Variants in LARP4B observed in about 807,000 individuals in gnomAD.
The protein encoded by LARP4B is la-related protein 4B.
In LARP4B, 12 loss-of-function variants were observed where a neutral mutation model predicts 89.8. The observed-to-expected ratio is 0.13, with a 90% CI of 0.09 to 0.22. The LOEUF (loss-of-function observed/expected upper bound fraction) is 0.22, where lower values mean the gene tolerates loss of function less well. Ranked by LOEUF, LARP4B falls within the 10% of genes least tolerant of loss-of-function variation. The probability of loss-of-function intolerance (pLI) is 1.00; values close to 1 mark genes in which losing one functional copy is unlikely to be tolerated. For missense variants in LARP4B, 757 were observed against 947.7 expected (o/e 0.80, Z 2.64); for synonymous variants, 367 against 363.3 (o/e 1.01, Z -0.12).
chr10:988,190 G>C, the LARP4B span: 1 of 393,750 alleles, frequency 2.5e-6, no homozygotes, highest in Non-Finnish European at 4.7e-6. Flanking sequence ...GCAGTCTGTC[G>C]GAAACCCCCG....
intron 8 of LARP4B, 77 bp from the exon 9 acceptor site, chr10:831,054 A>G (rs1832877525): frequency 1.6e-6 from 1 of 620,730 alleles, no homozygotes; most frequent in Non-Finnish European, 2.9e-6. Flanking sequence ...TTTTTAACAA[A>G]TGCATTCTCT....
chr10:837,195 C>A (rs1415311597), intron 7 of LARP4B, among the ~76,000 whole-genome samples: 1 of 152,176 alleles, frequency 6.6e-6, no homozygotes, highest in African/African-American at 2.4e-5. Flanking sequence ...AAGACATAAA[C>A]CACCAAAGCT....
chr10:891,283 A>C (rs1327775878), intron 1 of LARP4B, among the ~76,000 whole-genome samples: 1 of 152,208 alleles, frequency 6.6e-6, no homozygotes, highest in Non-Finnish European at 1.5e-5. Context: ...TCTTCAACAC[A>C]AAAGGAGACG....
upstream of LARP4B, among the ~76,000 whole-genome samples, chr10:935,052 GC>G (rs2132084313): frequency 6.6e-6 from 1 of 152,302 alleles, no homozygotes; most frequent in Non-Finnish European, 1.5e-5. Context: ...GCTAGTCCCA[GC>G]CTGTCTTCAG....
At chr10:833,249 TAAAAA>T (rs56788542) in intron 8 of LARP4B, among the ~76,000 whole-genome samples, 1,198 of 51,972 alleles carry the variant, frequency 0.023, 11 homozygotes, top group South Asian at 0.075. Flanking sequence ...TGATGAGCTT[TAAAAA>T]AAAAAAAAAA....
the LARP4B span, among the ~76,000 whole-genome samples, chr10:949,315 C>T: frequency 9.3e-5 from 14 of 151,092 alleles, no homozygotes; most frequent in Non-Finnish European, 1.9e-4. Flanking sequence ...CCACCAGCCC[C>T]GCGTGAGTGA....
the LARP4B span, among the ~76,000 whole-genome samples, chr10:982,570 T>A: frequency 6.6e-6 from 1 of 152,232 alleles, no homozygotes; most frequent in Non-Finnish European, 1.5e-5. Context: ...CCTCAAAATA[T>A]GAAATCATGA....
intron 1 of LARP4B, among the ~76,000 whole-genome samples, chr10:917,214 T>C (rs913291568): frequency 2.0e-5 from 3 of 152,222 alleles, no homozygotes; most frequent in African/African-American, 7.2e-5. Context: ...TCTTTTCATG[T>C]TTTGTTTTCC....
rs545507889 is a variant in LARP4B, at chr10:931,372, G to A, written c.-40+56C>T. On this transcript the variant is annotated intron_variant, in intron 1 of 17. Coordinates refer to ENST00000316157, the MANE Select transcript of LARP4B (RefSeq NM_015155.3). ...TGGCGGCGCAGTGACAGGCGGCGCG[G>A]CGCGGGTCCGAGCTGGGCCGGGAGG... 8.3e-4 allele frequency: 124 copies of A among 149,394 alleles called. 1 individual carries two copies. The South Asian group carries it at 0.011, about 13-fold the overall frequency. The allele number at this position is 149,394 out of a possible 1,614,324, so 9.3% of individuals were successfully genotyped here. A position where few individuals can be genotyped will look rare whatever the true frequency, so the allele number is the denominator to read the frequency against.
At chr10:852,317 G>A (rs907831522) in intron 5 of LARP4B, among the ~76,000 whole-genome samples, 9 of 152,260 alleles carry the variant, frequency 5.9e-5, no homozygotes, top group African/African-American at 2.2e-4. Flanking sequence ...ATCTACAGAG[G>A]TTTAGACCAC....
At chr10:858,630 TTG>T (rs1442116480) in intron 5 of LARP4B, among the ~76,000 whole-genome samples, 1 of 152,178 alleles carries the variant, frequency 6.6e-6, no homozygotes, top group African/African-American at 2.4e-5. Context: ...AAGAAAATAA[TTG>T]TGATTGATGT....
At chr10:883,620 T>C (rs897785636) in intron 3 of LARP4B, among the ~76,000 whole-genome samples, 4 of 151,822 alleles carry the variant, frequency 2.6e-5, no homozygotes, top group Non-Finnish European at 4.4e-5. Context: ...AGGTGTCTTT[T>C]GTTTTTTTAA....
intron 3 of LARP4B, among the ~76,000 whole-genome samples, chr10:869,029 T>C (rs926505077): frequency 6.6e-6 from 1 of 152,202 alleles, no homozygotes; most frequent in African/African-American, 2.4e-5. Context: ...TTACAGAATT[T>C]CTGGAAAGAT....
chr10:870,471 G>C (rs1448605386), intron 3 of LARP4B, among the ~76,000 whole-genome samples: 2 of 152,130 alleles, frequency 1.3e-5, no homozygotes, highest in Admixed American at 1.3e-4. Context: ...CTGTCCGCTA[G>C]GGTGGGATCA....
chr10:909,653 C>G (rs1407448816), intron 1 of LARP4B, among the ~76,000 whole-genome samples: 5 of 151,106 alleles, frequency 3.3e-5, no homozygotes, highest in African/African-American at 1.2e-4. Context: ...GGCATGGTGG[C>G]AGGAGCCTGT....
the LARP4B span, chr10:988,176 C>T: frequency 2.8e-6 from 1 of 353,654 alleles, no homozygotes. Flanking sequence ...CAGAAACCCG[C>T]AGGGCAGTCT....
At chr10:820,891 A>G in intron 13 of LARP4B, 46 bp from the exon 14 acceptor site, 2 of 1,564,826 alleles carry the variant, frequency 1.3e-6, no homozygotes, top group Non-Finnish European at 1.8e-6. Flanking sequence ...TCCCACTTGG[A>G]GAATTTATTA....
chr10:921,049 G>A (rs769187577), intron 1 of LARP4B, among the ~76,000 whole-genome samples: 1 of 152,028 alleles, frequency 6.6e-6, no homozygotes. Context: ...CAAGGCAGGC[G>A]GATCACCTGA....
chr10:900,485 G>C (rs990093533), intron 1 of LARP4B, among the ~76,000 whole-genome samples: 1 of 114,188 alleles, frequency 8.8e-6, no homozygotes, highest in South Asian at 2.9e-4. Context: ...ACCCATGCTG[G>C]AGTGCAGTGG....
Sources: gnomAD v4.1 joint callset for allele counts (sites outside exome capture counted in the v4.1 genomes callset) on GRCh38, gnomAD v4.1.1 for gene constraint, MANE v1.5 for transcripts, NCBI Gene and HGNC (gene_info 2026-07-23, HGNC 2026-07-21) for gene names.